FHOD3: variants seen among roughly 807,000 people sequenced by gnomAD.
FHOD3 encodes FH1/FH2 domain-containing protein 3.
In FHOD3, 90 loss-of-function variants were observed where a neutral mutation model predicts 173.0. The ratio of observed to expected loss-of-function variants is 0.52; its 90% confidence interval spans 0.44 to 0.62. The LOEUF is 0.62. Ranked by LOEUF, FHOD3 falls within the 20% of genes least tolerant of loss-of-function variation. The probability of loss-of-function intolerance (pLI) is 0.00; values close to 1 mark genes in which losing one functional copy is unlikely to be tolerated. For missense variants in FHOD3, 1,945 were observed against 2,034.7 expected, an observed-to-expected ratio of 0.96 and a Z score of 0.85; for synonymous variants, 828 against 823.0, an observed-to-expected ratio of 1.01 and a Z score of -0.10.
At chr18:36,298,634 G>A (rs67000409) in intron 1 of FHOD3, among the ~76,000 whole-genome samples, 51,130 of 151,916 alleles carry the variant, frequency 0.34, 9,318 homozygotes, top group East Asian at 0.55. Context: ...GAACCTCGGA[G>A]GAGCAGTCGC....
chr18:36,495,182 C>A (rs576640198), intron 3 of FHOD3, among the ~76,000 whole-genome samples: 1 of 152,272 alleles, frequency 6.6e-6, no homozygotes, highest in East Asian at 1.9e-4. Context: ...CTCAAGCGAT[C>A]TGCCGGCCCT....
intron 24 of FHOD3, among the ~76,000 whole-genome samples, chr18:36,751,786 C>G (rs2042412793): frequency 6.6e-6 from 1 of 152,074 alleles, no homozygotes; most frequent in African/African-American, 2.4e-5. Context: ...TTCCTTTTAT[C>G]CTTTTGTACT....
chr18:36,569,904 T>TGTG (rs1207373818), intron 5 of FHOD3, among the ~76,000 whole-genome samples: 1 of 152,056 alleles, frequency 6.6e-6, no homozygotes, highest in Non-Finnish European at 1.5e-5. Context: ...ATTTGTGGGA[T>TGTG]GTGGTTGAAG....
At chr18:36,305,650 G>C (rs2092072842) in intron 1 of FHOD3, among the ~76,000 whole-genome samples, 1 of 152,198 alleles carries the variant, frequency 6.6e-6, no homozygotes. Flanking sequence ...CAGAGCCAAA[G>C]AGTGGCTTGG....
At chr18:36,386,462 C>T (rs896550778) in intron 3 of FHOD3, among the ~76,000 whole-genome samples, 9 of 152,186 alleles carry the variant, frequency 5.9e-5, no homozygotes, top group Non-Finnish European at 8.8e-5. Context: ...GTAAAAACAA[C>T]GAGCAATTTC....
intron 3 of FHOD3, among the ~76,000 whole-genome samples, chr18:36,391,700 T>C (rs2048306918): frequency 6.6e-6 from 1 of 152,120 alleles, no homozygotes; most frequent in South Asian, 2.1e-4. Context: ...AGGTGACTCT[T>C]GTAAAGGGCA....
At chr18:36,717,450 C>T (rs2040520030) in intron 18 of FHOD3, among the ~76,000 whole-genome samples, 1 of 152,124 alleles carries the variant, frequency 6.6e-6, no homozygotes, top group African/African-American at 2.4e-5. Flanking sequence ...CTCTCTAATA[C>T]CTGCTGGGGC....
intron 3 of FHOD3, among the ~76,000 whole-genome samples, chr18:36,429,897 G>A (rs2050441944): frequency 6.6e-6 from 1 of 152,078 alleles, no homozygotes; most frequent in Non-Finnish European, 1.5e-5. Flanking sequence ...CAGGTCTGTG[G>A]GTGGACTTCT....
intron 5 of FHOD3, among the ~76,000 whole-genome samples, chr18:36,542,044 G>A (rs60907782): frequency 0.3 from 45,932 of 152,126 alleles, 7,942 homozygotes; most frequent in Non-Finnish European, 0.4. Context: ...CATCAAAGCT[G>A]TTTTACAAAT....
chr18:36,464,822 T>G (rs2052806829), intron 3 of FHOD3, among the ~76,000 whole-genome samples: 1 of 152,018 alleles, frequency 6.6e-6, no homozygotes, highest in Non-Finnish European at 1.5e-5. Context: ...GCACTCTTCT[T>G]GCTCCCACCC....
At chr18:36,353,364 G>A (rs551377185) in intron 1 of FHOD3, among the ~76,000 whole-genome samples, 4 of 152,172 alleles carry the variant, frequency 2.6e-5, no homozygotes, top group Non-Finnish European at 5.9e-5. Flanking sequence ...GAACTGTGGG[G>A]TTTCTAACAA....
intron 1 of FHOD3, among the ~76,000 whole-genome samples, chr18:36,319,962 G>A (rs59546129): frequency 0.04 from 6,061 of 152,248 alleles, 377 homozygotes; most frequent in African/African-American, 0.14. Context: ...TAACATACCA[G>A]AATCTCTGGG....
chr18:36,602,589 C>A, intron 7 of FHOD3, 85 bp from the exon 8 acceptor site: 1 of 1,011,488 alleles, frequency 9.9e-7, no homozygotes, highest in Non-Finnish European at 1.6e-6. Flanking sequence ...TCACTGGATA[C>A]GTCCTTGGAT....
chr18:36,698,740 G>A (rs2039419040), intron 17 of FHOD3, among the ~76,000 whole-genome samples: 1 of 152,230 alleles, frequency 6.6e-6, no homozygotes, highest in African/African-American at 2.4e-5. Flanking sequence ...GATGCTGGCA[G>A]AAGACACAAA....
chr18:36,547,217 C>CT (rs1269066206), intron 5 of FHOD3, among the ~76,000 whole-genome samples: 1 of 152,166 alleles, frequency 6.6e-6, no homozygotes, highest in African/African-American at 2.4e-5. Flanking sequence ...CCAGGCCGGC[C>CT]TGTTCCTAGG....
chr18:36,695,716 G>A (rs572089663), intron 17 of FHOD3, among the ~76,000 whole-genome samples: 5 of 152,312 alleles, frequency 3.3e-5, no homozygotes, highest in African/African-American at 7.2e-5. Context: ...AGAAAGAACC[G>A]CAGAGGTTTC....
At chr18:36,360,650 T>C (rs1035587391) in intron 2 of FHOD3, among the ~76,000 whole-genome samples, 7 of 152,146 alleles carry the variant, frequency 4.6e-5, no homozygotes, top group African/African-American at 1.2e-4. Context: ...CTGCTGTTAT[T>C]CTTGGACACC....
At chr18:36,525,855 T>C (rs373624949) in intron 5 of FHOD3, among the ~76,000 whole-genome samples, 66 of 152,352 alleles carry the variant, frequency 4.3e-4, no homozygotes, top group African/African-American at 1.4e-3. Flanking sequence ...AAGGACTCTC[T>C]TCCACACACA....
At chr18:36,691,665 C>T (rs1248372135) in intron 16 of FHOD3, among the ~76,000 whole-genome samples, 1 of 152,206 alleles carries the variant, frequency 6.6e-6, no homozygotes, top group East Asian at 1.9e-4. Context: ...ACATGCACTA[C>T]ACACCTTTTA....
Sources: gnomAD v4.1 joint callset for allele counts (sites outside exome capture counted in the v4.1 genomes callset) on GRCh38, gnomAD v4.1.1 for gene constraint, MANE v1.5 for transcripts, NCBI Gene and HGNC (gene_info 2026-07-23, HGNC 2026-07-21) for gene names.